Variants in SNX31 observed in about 807,000 individuals in gnomAD.
SNX31 encodes the protein sorting nexin 31, also known as sorting nexin-31.
Under a neutral mutation model 65.4 loss-of-function variants are expected in SNX31, and 58 were observed. The observed-to-expected ratio is 0.89, with a 90% CI of 0.72 to 1.10. SNX31 has a LOEUF of 1.10. SNX31 is among the 50% of genes least tolerant of loss of function. SNX31 has a pLI of 0.00. For missense variants in SNX31, 523 were observed against 529.7 expected (o/e 0.99, Z 0.12); for synonymous variants, 181 against 190.1 (o/e 0.95, Z 0.39).
intron 2 of SNX31, among the ~76,000 whole-genome samples, chr8:100,643,152 C>G: frequency 6.6e-6 from 1 of 152,026 alleles, no homozygotes; most frequent in East Asian, 1.9e-4. Context: ...GAGATCGCAC[C>G]ACCTCACTGC....
intron 9 of SNX31, among the ~76,000 whole-genome samples, chr8:100,600,074 A>G (rs1260405879): frequency 6.6e-6 from 1 of 152,246 alleles, no homozygotes; most frequent in African/African-American, 2.4e-5. Context: ...ATAAAATGGA[A>G]TACTCTGTAG....
chr8:100,586,073 A>T (rs1586857547), intron 11 of SNX31, among the ~76,000 whole-genome samples: 1 of 152,248 alleles, frequency 6.6e-6, no homozygotes, highest in East Asian at 1.9e-4. Flanking sequence ...GGTGCCTGCC[A>T]CCATGCCCAG....
chr8:100,585,162 T>C (rs1652701372), intron 11 of SNX31, among the ~76,000 whole-genome samples: 1 of 152,220 alleles, frequency 6.6e-6, no homozygotes, highest in African/African-American at 2.4e-5. Flanking sequence ...CTGGGCTTCC[T>C]TATTCCAGGC....
intron 8 of SNX31, 103 bp from the exon 9 acceptor site, chr8:100,600,544 G>T: frequency 1.2e-6 from 1 of 840,650 alleles, no homozygotes. Flanking sequence ...AACCCAAGTG[G>T]ATATATATTT....
At position 100,581,352 on chromosome 8, in the gene SNX31, T is replaced by TATATAG. The variant is rs1180603892; in HGVS notation, c.1170+2758_1170+2759insCTATAT. Among the ~76,000 whole-genome samples the TATATAG allele has an allele frequency of 7.0e-4, 103 of 147,558 alleles. 3 individuals are homozygous for TATATAG. The highest frequency in any genetic ancestry group is 2.4e-3 in the African/African-American group (98 of 40,066). ...ATCTATCTATCTATATATATATATATATATAATTTAAGAACTTAATATATT... is the reference window on the plus strand; with the variant it reads ...ATCTATCTATCTATATATATATATATATATAGATATAATTTAAGAACTTAATATATT... On this transcript the variant is annotated intron_variant, in intron 12 of 13. Coordinates refer to ENST00000311812, the MANE Select transcript of SNX31 (RefSeq NM_152628.4).
chr8:100,637,935 A>T (rs1818893291), intron 2 of SNX31, among the ~76,000 whole-genome samples: 1 of 152,168 alleles, frequency 6.6e-6, no homozygotes, highest in Non-Finnish European at 1.5e-5. Flanking sequence ...ACCTCAGGTG[A>T]TCTGGCTGCC....
intron 8 of SNX31, among the ~76,000 whole-genome samples, chr8:100,606,497 C>A (rs1816173010): frequency 6.6e-6 from 1 of 152,200 alleles, no homozygotes; most frequent in African/African-American, 2.4e-5. Context: ...CTAAAAGTCA[C>A]TTAAGGAGGC....
chr8:100,573,524 T>C lies in SNX31; in HGVS notation c.*341A>G. 1 of 169,752 alleles carries C rather than the reference T, an allele frequency of 5.9e-6. No individual in the cohort carries two copies. Among genetic ancestry groups the C allele is most frequent in the Admixed American group, 6.3e-5 (1 of 15,782 alleles). The allele number at this position is 169,752 out of a possible 1,614,324, so 10.5% of individuals were successfully genotyped here. On this transcript the variant is annotated 3_prime_UTR_variant, in exon 14 of 14. Transcript: ENST00000311812. ...AAGACTTCATGAAGCCATATAAAGA[T>C]CTATTTTAGAGAAAAAATAGAATGA...
intron 1 of SNX31, among the ~76,000 whole-genome samples, chr8:100,658,298 C>T (rs568260009): frequency 2.0e-5 from 3 of 152,122 alleles, no homozygotes; most frequent in Non-Finnish European, 2.9e-5. Flanking sequence ...TGGGAAGCTA[C>T]GTTAGAATCT....
chr8:100,592,118 G>C (rs772736696), intron 10 of SNX31, among the ~76,000 whole-genome samples: 25 of 152,144 alleles, frequency 1.6e-4, no homozygotes, highest in Admixed American at 7.2e-4. Context: ...ATCCAGAAAT[G>C]ACAGAGATGA....
intron 2 of SNX31, among the ~76,000 whole-genome samples, chr8:100,638,864 C>T (rs1230248027): frequency 6.6e-6 from 1 of 151,916 alleles, no homozygotes; most frequent in African/African-American, 2.4e-5. Flanking sequence ...ATGTGTTATT[C>T]AGAAATAAAA....
chr8:100,578,753 G>A lies in SNX31; in HGVS notation c.1171-1678C>T, dbSNP rs536138620. Reference sequence around the variant, plus strand: ...TATTATTATTTTGAGACAGAGTCTCGCTGTGTTGCCCAGGCTAGAGTGCAG... The same window carrying A: ...TATTATTATTTTGAGACAGAGTCTCACTGTGTTGCCCAGGCTAGAGTGCAG... On this transcript the variant is annotated intron_variant, in intron 12 of 13. Coordinates refer to ENST00000311812, the MANE Select transcript of SNX31 (RefSeq NM_152628.4). The surrounding 1 kb of genome is among the most constrained non-coding windows in gnomAD (Gnocchi z 4.7). Among the ~76,000 whole-genome samples the A allele has an allele frequency of 2.0e-5, 3 of 148,462 alleles. No homozygotes were observed. Among genetic ancestry groups the A allele is most frequent in the African/African-American group, 5.0e-5 (2 of 39,800 alleles).
At chr8:100,592,847 A>G (rs572569697) in intron 10 of SNX31, among the ~76,000 whole-genome samples, 1 of 152,362 alleles carries the variant, frequency 6.6e-6, no homozygotes, top group South Asian at 2.1e-4. Flanking sequence ...GAAACATGCT[A>G]GGTAAAAAAG....
rs1344920277 is a variant in SNX31 at position 100,613,376 on chromosome 8, G to T, written c.433-291C>A. The stretch of plus-strand genomic sequence containing the variant: ...CATCTCAGATGTGGACTCACTCCCG[G>T]ATTGTCTTGGTCTTTATTTTCCCCT... On this transcript the variant is annotated intron_variant, in intron 5 of 13. Transcript: ENST00000311812. This position sits in a 1 kb window ranked among gnomAD's most constrained non-coding sequence, Gnocchi z 5.2. 6.6e-6 allele frequency among the ~76,000 whole-genome samples: 1 copy of T among 152,198 alleles called. No homozygotes were observed. The highest frequency in any genetic ancestry group is 2.4e-5 in the African/African-American group (1 of 41,448).
Position 100,660,494 on chromosome 8 carries a change from G to A in SNX31, c.-58+2648C>T, listed in dbSNP as rs1401423520. 6.6e-6 allele frequency among the ~76,000 whole-genome samples: 1 copy of A among 152,216 alleles called. No homozygotes were observed. Among genetic ancestry groups the A allele is most frequent in the African/African-American group, 2.4e-5 (1 of 41,440 alleles). On this transcript the variant is annotated intron_variant, in intron 1 of 5. Coordinates refer to the SNX31 transcript ENST00000520352. The surrounding 1 kb of genome is among the most constrained non-coding windows in gnomAD (Gnocchi z 4.1). ...CCCATGCCCGCAGGCTCTTCAGAGT[G>A]ATACTAAATGATTGTGTTTTACACA...
At chr8:100,598,285 G>T (rs1188846728) in intron 9 of SNX31, among the ~76,000 whole-genome samples, 1 of 152,180 alleles carries the variant, frequency 6.6e-6, no homozygotes, top group Non-Finnish European at 1.5e-5. Context: ...AGGACAGGTT[G>T]TAAGTACATG....
rs1815510814 is a variant in SNX31 at position 100,600,406 on chromosome 8, G to A, written c.717C>T (p.Pro239=). The A allele has an allele frequency of 1.9e-6, 3 of 1,613,582 alleles. No homozygotes were observed. In the Admixed American group the frequency reaches 5.0e-5, roughly 27 times the overall value. Reference sequence around the variant, plus strand: ...CTAATTTCTGCCTCTGTGCCTGTGTGGGTTTGGCCCATCCTTTTTCAATGT... The same window carrying A: ...CTAATTTCTGCCTCTGTGCCTGTGTAGGTTTGGCCCATCCTTTTTCAATGT... The part of the protein sequence containing the change: ...IQDIEKGWAK[P]TQAQRQKLEA... Residue 239 remains proline (P), a synonymous_variant, in exon 9 of 14, where the codon CCC becomes CCT. Coordinates refer to ENST00000311812, the MANE Select transcript of SNX31 (RefSeq NM_152628.4).
At chr8:100,607,303 C>T (rs184770487) in intron 8 of SNX31, among the ~76,000 whole-genome samples, 19 of 152,232 alleles carry the variant, frequency 1.2e-4, no homozygotes, top group African/African-American at 3.1e-4. Flanking sequence ...CCGAAGATGG[C>T]GGTGTGGTGA....
chr8:100,615,410 G>A (rs150724175), intron 5 of SNX31, among the ~76,000 whole-genome samples: 2,334 of 152,254 alleles, frequency 0.015, 33 homozygotes, highest in Non-Finnish European at 0.025. Context: ...TCTCGGGAAC[G>A]TGAACTATTT....
Sources: allele counts gnomAD v4.1 joint callset (sites outside exome capture counted in the v4.1 genomes callset), GRCh38; gene constraint gnomAD v4.1.1; non-coding constraint Gnocchi (gnomAD v3.1); transcripts MANE v1.5; gene names NCBI Gene and HGNC (gene_info 2026-07-23, HGNC 2026-07-21).